The following PIK3R4 variants were observed in gnomAD, a reference collection of about 807,000 sequenced individuals.
The protein encoded by PIK3R4 is phosphoinositide 3-kinase regulatory subunit 4.
PIK3R4 carries 46 observed loss-of-function variants against 136.5 expected under a neutral mutation model. That is an observed-to-expected ratio of 0.34 (90% confidence interval 0.27 to 0.43). The LOEUF (loss-of-function observed/expected upper bound fraction) is 0.43, where lower values mean the gene tolerates loss of function less well. Among genes scored for constraint, PIK3R4 ranks in the 20% least tolerant of loss-of-function variants. The probability of loss-of-function intolerance (pLI) is 1.00; values close to 1 mark genes in which losing one functional copy is unlikely to be tolerated. For missense variants in PIK3R4, 1,331 were observed against 1,649.5 expected, an observed-to-expected ratio of 0.81 and a Z score of 3.35; for synonymous variants, 557 against 566.7, an observed-to-expected ratio of 0.98 and a Z score of 0.24.
chr3:130,694,017 T>C (rs890841448), intron 13 of PIK3R4, among the ~76,000 whole-genome samples: 1 of 152,012 alleles, frequency 6.6e-6, no homozygotes, highest in African/African-American at 2.4e-5. Flanking sequence ...GCCATTCTTT[T>C]CCCAACTGAA....
rs1377282960 is a variant in PIK3R4, at chr3:130,679,328, T to C, written c.4064A>G (p.Lys1355Arg). ...IVTASRDGIVKVWK is the reference protein window; with the variant it reads ...IVTASRDGIVRVWK ...AATCAGTAGGTTTTATTTCCACACC[T>C]TCACAATCCCATCTCTAGAAGCAGT... The change falls in exon 20 of 20, where the codon AAG becomes AGG. Residue 1355 changes from lysine (K) to arginine (R), a missense_variant. Transcript: ENST00000356763. 1 of 1,602,428 alleles carries C rather than the reference T, an allele frequency of 6.2e-7. No homozygotes were observed. The highest frequency in any genetic ancestry group is 8.5e-7 in the Non-Finnish European group (1 of 1,173,304).
chr3:130,735,473 G>A (rs554151085), intron 3 of PIK3R4, among the ~76,000 whole-genome samples: 1 of 152,258 alleles, frequency 6.6e-6, no homozygotes, highest in African/African-American at 2.4e-5. Flanking sequence ...CAATGGCCCT[G>A]TATTGCTGTA....
At chr3:130,701,618 G>A (rs2066575211) in intron 13 of PIK3R4, among the ~76,000 whole-genome samples, 1 of 152,064 alleles carries the variant, frequency 6.6e-6, no homozygotes, top group African/African-American at 2.4e-5. Context: ...GAACCTCCTG[G>A]TATGATGGTC....
In PIK3R4 at chr3:130,706,953, A is replaced by G; in HGVS notation, c.2716T>C (p.Ser906Pro). ...CTGACTGGGTGACACAGTACCTGTGAAGAAGTTGACAAAGGGACACAAATG... is the reference window on the plus strand; with the variant it reads ...CTGACTGGGTGACACAGTACCTGTGGAGAAGTTGACAAAGGGACACAAATG... Reference protein sequence around the residue: ...AGICVPLSTSSQVPEVTTVQN... With the variant: ...AGICVPLSTSPQVPEVTTVQN... Residue 906 changes from serine (S) to proline (P), a missense_variant, in exon 11 of 20, where the codon TCA becomes CCA. Coordinates refer to ENST00000356763, the MANE Select transcript of PIK3R4 (RefSeq NM_014602.3). The G allele has an allele frequency of 6.2e-7, 1 of 1,607,858 alleles. No homozygotes were observed. Among genetic ancestry groups the G allele is most frequent in the Non-Finnish European group, 8.5e-7 (1 of 1,177,354 alleles).
intron 14 of PIK3R4, among the ~76,000 whole-genome samples, chr3:130,690,038 T>A (rs1211489203): frequency 1.3e-5 from 2 of 152,232 alleles, no homozygotes; most frequent in Non-Finnish European, 2.9e-5. Flanking sequence ...CTTCTCCATG[T>A]CCCCATCAAC....
intron 14 of PIK3R4, among the ~76,000 whole-genome samples, chr3:130,687,283 C>T (rs1219497796): frequency 6.6e-6 from 1 of 152,068 alleles, no homozygotes; most frequent in Non-Finnish European, 1.5e-5. Flanking sequence ...TCACTTGTGA[C>T]ATCATATTAG....
chr3:130,700,424 T>C (rs1303157539), intron 13 of PIK3R4, among the ~76,000 whole-genome samples: 2 of 152,162 alleles, frequency 1.3e-5, no homozygotes, highest in Non-Finnish European at 2.9e-5. Flanking sequence ...AGAAATAAGG[T>C]AGCACAAGAA....
chr3:130,745,881 G>A (rs775638291), intron 1 of PIK3R4, among the ~76,000 whole-genome samples: 1 of 152,050 alleles, frequency 6.6e-6, no homozygotes, highest in Non-Finnish European at 1.5e-5. Flanking sequence ...AAATTAGCCG[G>A]GCGTGGTAGT....
At chr3:130,701,285 G>T (rs1263380205) in intron 13 of PIK3R4, among the ~76,000 whole-genome samples, 1 of 152,142 alleles carries the variant, frequency 6.6e-6, no homozygotes, top group Non-Finnish European at 1.5e-5. Flanking sequence ...GCTGAGGCGG[G>T]CGGATCACTT....
At chr3:130,695,530 C>G (rs1382981468) in intron 13 of PIK3R4, among the ~76,000 whole-genome samples, 1 of 152,124 alleles carries the variant, frequency 6.6e-6, no homozygotes, top group Non-Finnish European at 1.5e-5. Context: ...TTTAATCATT[C>G]CTTTATCCAG....
rs777376061 is a variant in PIK3R4 at position 130,708,427 on chromosome 3, T to C, written c.2397A>G (p.Lys799=). ...ALKDFMMKSN[K]AKANIVDQSH... is the part of the protein sequence containing the mutation. ...TCTGGTCCACTATATTGGCCTTTGC[T>C]TTATTAGATTTCATCATGAAGTCTT... is the stretch of plus-strand genomic sequence containing the variant. The change falls in exon 10 of 20, where the codon AAA becomes AAG. Residue 799 remains lysine, a synonymous_variant. Coordinates refer to ENST00000356763, the MANE Select transcript of PIK3R4 (RefSeq NM_014602.3). 4 of 1,613,788 alleles carry C rather than the reference T, an allele frequency of 2.5e-6. 1 individual carries two copies. In the South Asian group the frequency reaches 3.3e-5, roughly 13 times the overall value.
rs79785478 is a variant in PIK3R4 at position 130,712,259 on chromosome 3, G to A, written c.2332-3767C>T. ...CATGATGTGTCTCAAGTACAGTCCC[G>A]TATAGAAGAGCACTGAAGAACTCTA... On this transcript the variant is annotated intron_variant, in intron 9 of 19. Coordinates refer to ENST00000356763, the MANE Select transcript of PIK3R4 (RefSeq NM_014602.3). Among the ~76,000 whole-genome samples, 422 of 152,112 alleles carry A rather than the reference G, an allele frequency of 2.8e-3. 2 individuals carry two copies. Among genetic ancestry groups the A allele is most frequent in the African/African-American group, 9.8e-3 (406 of 41,476 alleles).
In PIK3R4 at chr3:130,733,597, T is replaced by C; in HGVS notation, c.1401A>G (p.Ile467Met). Residue 467 changes from isoleucine to methionine, a missense_variant, in exon 4 of 20, where the codon ATA (isoleucine) becomes ATG (methionine). Physicochemically the swap from Ile to Met is conservative, Grantham distance 10 (BLOSUM62 1). This residue lies in a region of PIK3R4 where 1,180 missense variants were observed against 1,407.0 expected (regional missense o/e 0.84). Coordinates refer to ENST00000356763, the MANE Select transcript of PIK3R4 (RefSeq NM_014602.3). ...TAGCATCATCTTGGGCTAAGTGGGCTATGCCTGGCAGAATGTATTCCGGAT... is the reference window on the plus strand; with the variant it reads ...TAGCATCATCTTGGGCTAAGTGGGCCATGCCTGGCAGAATGTATTCCGGAT... ...NIYPEYILPG[I>M]AHLAQDDATI... 1 of 1,614,114 alleles carries C rather than the reference T, an allele frequency of 6.2e-7. No homozygotes were observed.
chr3:130,693,414 T>G (rs1282713117), intron 13 of PIK3R4, among the ~76,000 whole-genome samples: 1 of 152,180 alleles, frequency 6.6e-6, no homozygotes, highest in East Asian at 1.9e-4. Flanking sequence ...GTTTTTACAT[T>G]CTCACCAGCA....
intron 13 of PIK3R4, among the ~76,000 whole-genome samples, chr3:130,696,774 G>A (rs2066548415): frequency 6.6e-6 from 1 of 152,090 alleles, no homozygotes; most frequent in African/African-American, 2.4e-5. Context: ...TTGGTTTGTA[G>A]TGTTGCTCAC....
intron 7 of PIK3R4, among the ~76,000 whole-genome samples, chr3:130,720,184 A>T (rs1318571663): frequency 2.0e-5 from 3 of 152,152 alleles, no homozygotes; most frequent in Admixed American, 6.5e-5. Flanking sequence ...ATGAAATAGC[A>T]TATTCAATCT....
Position 130,734,559 on chromosome 3 carries a change from C to G in PIK3R4, c.868-429G>C, listed in dbSNP as rs12487464. 9.0e-3 allele frequency among the ~76,000 whole-genome samples: 1,368 copies of G among 152,202 alleles called. 19 individuals carry two copies. Among genetic ancestry groups the G allele is most frequent in the East Asian group, 0.053 (274 of 5,194 alleles). The stretch of plus-strand genomic sequence containing the variant: ...AACCCCTAAAATCCATTTACATATC[C>G]CGGGTTGAGTTATGGTTCAGAACCT... On this transcript the variant is annotated intron_variant, in intron 3 of 19. Coordinates refer to ENST00000356763, the MANE Select transcript of PIK3R4 (RefSeq NM_014602.3).
intron 13 of PIK3R4, among the ~76,000 whole-genome samples, chr3:130,691,889 T>TC (rs1255320345): frequency 6.8e-6 from 1 of 146,672 alleles, no homozygotes; most frequent in Non-Finnish European, 1.5e-5. Context: ...TTTTTTTTTT[T>TC]TCTGAGACAG....
intron 9 of PIK3R4, among the ~76,000 whole-genome samples, chr3:130,713,378 T>C (rs1418217038): frequency 6.6e-6 from 1 of 152,166 alleles, no homozygotes; most frequent in Non-Finnish European, 1.5e-5. Context: ...CCAATGAATA[T>C]ACGAAGCACT....
Sources: allele counts gnomAD v4.1 joint callset (sites outside exome capture counted in the v4.1 genomes callset), GRCh38; gene constraint gnomAD v4.1.1; regional missense constraint gnomAD v4.1.1; transcripts MANE v1.5; gene names NCBI Gene and HGNC (gene_info 2026-07-23, HGNC 2026-07-21).